RBFOX1: variants seen among roughly 807,000 people sequenced by gnomAD.
RBFOX1 encodes RNA binding protein fox-1 homolog 1.
RBFOX1 carries 8 observed loss-of-function variants against 57.7 expected under a neutral mutation model. That is an observed-to-expected ratio of 0.14 (90% confidence interval 0.08 to 0.25). The LOEUF is 0.25. RBFOX1 is among the 10% of genes least tolerant of loss of function. RBFOX1 has a pLI of 1.00. For synonymous variants in RBFOX1, 326 were observed against 222.4 expected (o/e 1.47, Z -4.15); for missense variants, 611 against 548.5 (o/e 1.11, Z -1.14).
chr16:6,420,998 C>T (rs2093756394), intron 2 of RBFOX1, among the ~76,000 whole-genome samples: 1 of 152,192 alleles, frequency 6.6e-6, no homozygotes, highest in African/African-American at 2.4e-5. Context: ...TGAACATCTC[C>T]CATCTTTATA....
In RBFOX1 at chr16:6,353,347, C is replaced by G. The variant is rs550394939; in HGVS notation, c.-64+36290C>G. On this transcript the variant is annotated intron_variant, in intron 2 of 15. Transcript: ENST00000550418. ...TTCCATTAATTTATTTATTTCTGTG[C>G]TTGTTTGTTTTTTGGGATGGGTATT... 5.3e-5 allele frequency among the ~76,000 whole-genome samples: 8 copies of G among 151,686 alleles called. No individual in the cohort carries two copies. In the South Asian group the frequency reaches 1.5e-3, roughly 28 times the overall value.
At chr16:6,127,042 G>A (rs371844724) in intron 1 of RBFOX1, among the ~76,000 whole-genome samples, 1 of 152,158 alleles carries the variant, frequency 6.6e-6, no homozygotes, top group Non-Finnish European at 1.5e-5. Context: ...GGCTTAGAGA[G>A]GGGGAAGGAA....
In RBFOX1 at chr16:6,840,767, GT is replaced by G. The variant is rs1180243131; in HGVS notation, c.-16+186118del. The stretch of plus-strand genomic sequence containing the variant: ...ATCAGTGTGGTGGTGTGCACCTGTA[GT>G]CCCAGCTACTCGGGAGGCTGAGGCA... On this transcript the variant is annotated intron_variant, in intron 3 of 15. Coordinates refer to ENST00000550418, the MANE Select transcript of RBFOX1 (RefSeq NM_018723.4). 2.0e-5 allele frequency among the ~76,000 whole-genome samples: 3 copies of G among 151,788 alleles called. No homozygotes were observed. The East Asian group carries it at 5.8e-4, about 29-fold the overall frequency.
chr16:7,688,238 TGTGTGTGTGTGTGTGTGTGTGTGA>T (rs2076500664), intron 14 of RBFOX1, among the ~76,000 whole-genome samples: 1 of 130,004 alleles, frequency 7.7e-6, no homozygotes, highest in African/African-American at 3.0e-5. Flanking sequence ...TGTGTGTGTG[TGTGTGTGTGTGTGTGTGTGTGTGA>T]GAGAGAGAGA....
intron 1 of RBFOX1, among the ~76,000 whole-genome samples, chr16:6,085,658 G>GTGTGTGTGTGTC (rs2096073377): frequency 6.6e-6 from 1 of 152,010 alleles, no homozygotes; most frequent in Admixed American, 6.6e-5. Context: ...GTTTGTGTGT[G>GTGTGTGTGTGTC]TGTGTGTGTG....
At chr16:7,572,880 A>C (rs11647114) in intron 5 of RBFOX1, among the ~76,000 whole-genome samples, 58,555 of 151,684 alleles carry the variant, frequency 0.39, 11,734 homozygotes, top group South Asian at 0.53. Flanking sequence ...ACCAGCCCCA[A>C]ATGTCAATGG....
At chr16:6,939,379 G>A (rs552242832) in intron 3 of RBFOX1, among the ~76,000 whole-genome samples, 4 of 146,364 alleles carry the variant, frequency 2.7e-5, no homozygotes, top group Admixed American at 1.3e-4. Context: ...CTTTATATAT[G>A]TGTATGTGTG....
At chr16:6,651,850 TGTG>T (rs1407058606) in intron 2 of RBFOX1, among the ~76,000 whole-genome samples, 1 of 152,154 alleles carries the variant, frequency 6.6e-6, no homozygotes, top group African/African-American at 2.4e-5. Context: ...ATAAACCAAA[TGTG>T]GTCTCTCCAT....
chr16:6,203,174 C>T (rs1436480680), intron 1 of RBFOX1, among the ~76,000 whole-genome samples: 2 of 152,090 alleles, frequency 1.3e-5, no homozygotes, highest in African/African-American at 2.4e-5. Context: ...TAACCATAGG[C>T]CTTACATTAT....
chr16:6,190,291 C>T (rs377631445), intron 1 of RBFOX1, among the ~76,000 whole-genome samples: 1 of 152,170 alleles, frequency 6.6e-6, no homozygotes, highest in African/African-American at 2.4e-5. Context: ...AAAGTTATTA[C>T]ATCCAAACCA....
Position 6,478,417 on chromosome 16 carries a change from ATATATATATATATTT to A in RBFOX1, c.-64+161362_-64+161376del, listed in dbSNP as rs1452591252. Among the ~76,000 whole-genome samples, 318 of 16,432 alleles carry A rather than the reference ATATATATATATATTT, an allele frequency of 0.019. 16 individuals are homozygous for A. The East Asian group carries it at 0.22, about 11-fold the overall frequency. 10.8% of individuals were successfully genotyped at this position (16,432 alleles called of 152,430 possible). Reference sequence around the variant, plus strand: ...TATATATATATATATATATATATATATATATATATATATTTTTTTTTTTTTTTTTTGTATTTTTAG... The same window carrying A: ...TATATATATATATATATATATATATATTTTTTTTTTTTTTTGTATTTTTAG... On this transcript the variant is annotated intron_variant, in intron 2 of 15. Transcript: ENST00000550418.
At chr16:6,787,364 T>A (rs1007026975) in intron 3 of RBFOX1, among the ~76,000 whole-genome samples, 2 of 152,156 alleles carry the variant, frequency 1.3e-5, no homozygotes, top group African/African-American at 4.8e-5. Flanking sequence ...CAACTTAGGA[T>A]TTTATGCAGA....
chr16:6,505,738 T>C lies in RBFOX1; in HGVS notation c.-63-148865T>C, dbSNP rs569890912. On this transcript the variant is annotated intron_variant, in intron 2 of 15. Transcript: ENST00000550418. ...GGTACAGACTAAAAACTCAAGAGTC[T>C]AATGAAGGAGAAATCACATACGTAA... Among the ~76,000 whole-genome samples, 3 of 152,304 alleles carry C rather than the reference T, an allele frequency of 2.0e-5. No homozygotes were observed. In the South Asian group the frequency reaches 6.2e-4, roughly 32 times the overall value.
chr16:6,941,300 C>CTCCCTCCCTCCT (rs1555654057), intron 3 of RBFOX1, among the ~76,000 whole-genome samples: 56 of 79,206 alleles, frequency 7.1e-4, no homozygotes, highest in Admixed American at 1.3e-3. Flanking sequence ...CCCTCCCTCC[C>CTCCCTCCCTCCT]TCCTTCCTTC....
At chr16:6,788,548 T>C (rs1334963641) in intron 3 of RBFOX1, among the ~76,000 whole-genome samples, 1 of 151,982 alleles carries the variant, frequency 6.6e-6, no homozygotes, top group Non-Finnish European at 1.5e-5. Flanking sequence ...TGATCTCGGC[T>C]CACTGCAAGC....
chr16:5,907,824 C>T (rs1009246854), intron 4 of RBFOX1, among the ~76,000 whole-genome samples: 3 of 151,860 alleles, frequency 2.0e-5, no homozygotes, highest in African/African-American at 7.3e-5. Context: ...GATCTCAGCT[C>T]ACTATAGCCT....
intron 3 of RBFOX1, among the ~76,000 whole-genome samples, chr16:5,629,122 T>G (rs913064048): frequency 1.8e-4 from 27 of 152,240 alleles, no homozygotes; most frequent in Non-Finnish European, 2.9e-4. Context: ...AAGAAGCTAT[T>G]TTACTCTTCA....
intron 4 of RBFOX1, among the ~76,000 whole-genome samples, chr16:7,464,637 C>G (rs977048873): frequency 6.7e-6 from 1 of 148,678 alleles, no homozygotes; most frequent in African/African-American, 2.5e-5. Context: ...CCTCTCTAGG[C>G]TTTTAATTGG....
rs578202417 is a variant in RBFOX1, at chr16:6,966,504, G to A, written c.-15-85553G>A. 2.1e-4 allele frequency among the ~76,000 whole-genome samples: 32 copies of A among 152,224 alleles called. No homozygotes were observed. In the South Asian group the frequency reaches 5.6e-3, roughly 27 times the overall value. On this transcript the variant is annotated intron_variant, in intron 3 of 15. Coordinates refer to ENST00000550418, the MANE Select transcript of RBFOX1 (RefSeq NM_018723.4). ...TGATCACAGTAGCTTATTAGGTGGC[G>A]AGAGGGGCGGACGGGGGAAGACTGA... is the stretch of plus-strand genomic sequence containing the variant.
Sources: gnomAD v4.1 joint callset for allele counts (sites outside exome capture counted in the v4.1 genomes callset) on GRCh38, gnomAD v4.1.1 for gene constraint, MANE v1.5 for transcripts, NCBI Gene and HGNC (gene_info 2026-07-23, HGNC 2026-07-21) for gene names.